LRMDA: variants seen among roughly 807,000 people sequenced by gnomAD.
LRMDA encodes leucine rich melanocyte differentiation associated.
Under a neutral mutation model 29.8 loss-of-function variants are expected in LRMDA, and 18 were observed. That is an observed-to-expected ratio of 0.60 (90% CI 0.42 to 0.90). The LOEUF (loss-of-function observed/expected upper bound fraction) is 0.90, where lower values mean the gene tolerates loss of function less well. Among genes scored for constraint, LRMDA ranks in the 40% least tolerant of loss-of-function variants. The probability of loss-of-function intolerance (pLI) is 0.00; values close to 1 mark genes in which losing one functional copy is unlikely to be tolerated. For synonymous variants in LRMDA, 125 were observed against 109.4 expected, an observed-to-expected ratio of 1.14 and a Z score of -0.89; for missense variants, 273 against 273.9, an observed-to-expected ratio of 1.00 and a Z score of 0.02.
chr10:76,543,276 GC>G (rs1843378982), intron 6 of LRMDA, among the ~76,000 whole-genome samples: 1 of 151,612 alleles, frequency 6.6e-6, no homozygotes, highest in Non-Finnish European at 1.5e-5. Flanking sequence ...GCATGAGATT[GC>G]CCCCATGATT....
chr10:75,752,411 C>G (rs1216942110), intron 2 of LRMDA, among the ~76,000 whole-genome samples: 1 of 152,098 alleles, frequency 6.6e-6, no homozygotes, highest in Non-Finnish European at 1.5e-5. Flanking sequence ...TGGGGTTTCA[C>G]CATGTTAGCC....
chr10:75,454,856 A>G (rs1844498153), intron 2 of LRMDA, among the ~76,000 whole-genome samples: 1 of 152,234 alleles, frequency 6.6e-6, no homozygotes, highest in Non-Finnish European at 1.5e-5. Flanking sequence ...GGAGCCTGGC[A>G]GTGGCTCCTG....
At chr10:76,225,209 G>A (rs986489187) in intron 5 of LRMDA, among the ~76,000 whole-genome samples, 3 of 151,892 alleles carry the variant, frequency 2.0e-5, no homozygotes, top group African/African-American at 7.3e-5. Context: ...TCAGGAGTTC[G>A]AGACCAGCCT....
chr10:75,888,871 C>A lies in LRMDA; in HGVS notation c.132-147137C>A, dbSNP rs148191635. Among the ~76,000 whole-genome samples the A allele has an allele frequency of 9.2e-5, 14 of 152,210 alleles. No homozygotes were observed. The East Asian group carries it at 2.7e-3, about 29-fold the overall frequency. On this transcript the variant is annotated intron_variant, in intron 2 of 6. Transcript: ENST00000611255. ...TGACAAGATTCTGGTAATTACTAAGCGGGTCTTAGACAAGATGCCAAAAGT... is the reference window on the plus strand; with the variant it reads ...TGACAAGATTCTGGTAATTACTAAGAGGGTCTTAGACAAGATGCCAAAAGT...
chr10:75,741,865 G>A (rs761609447), intron 2 of LRMDA, among the ~76,000 whole-genome samples: 1 of 152,092 alleles, frequency 6.6e-6, no homozygotes, highest in Admixed American at 6.5e-5. Context: ...TTAGGAGGTG[G>A]GGCCTTTGGG....
At chr10:75,836,271 A>T (rs1481786902) in intron 2 of LRMDA, among the ~76,000 whole-genome samples, 1 of 152,166 alleles carries the variant, frequency 6.6e-6, no homozygotes, top group East Asian at 1.9e-4. Flanking sequence ...CAGCCAACAC[A>T]TGTTATAGAG....
At chr10:75,512,357 A>T (rs1213067945) in intron 2 of LRMDA, among the ~76,000 whole-genome samples, 1 of 145,186 alleles carries the variant, frequency 6.9e-6, no homozygotes, top group African/African-American at 2.5e-5. Context: ...GTGAGCTGTT[A>T]TTTTTTTTTT....
chr10:76,176,345 G>A (rs778015278), intron 5 of LRMDA, among the ~76,000 whole-genome samples: 33 of 152,170 alleles, frequency 2.2e-4, no homozygotes, highest in Non-Finnish European at 2.6e-4. Flanking sequence ...ATCAAAGGGC[G>A]GTAATGAATA....
chr10:75,745,284 G>A (rs1220959038), intron 2 of LRMDA, among the ~76,000 whole-genome samples: 3 of 151,828 alleles, frequency 2.0e-5, no homozygotes, highest in Non-Finnish European at 4.4e-5. Flanking sequence ...CTCTCTCCGT[G>A]TGTGTGTATA....
Position 76,161,194 on chromosome 10 carries a change from C to G in LRMDA, c.516+102411C>G, listed in dbSNP as rs117406369. Among the ~76,000 whole-genome samples the G allele has an allele frequency of 1.0e-3, 155 of 152,208 alleles. 3 individuals are homozygous for G. In the East Asian group the frequency reaches 0.027, roughly 27 times the overall value. Reference sequence around the variant, plus strand: ...ATGAAAAGGGAAAGAGATCTTGTCTCTGACTCACGTATTTCTCTTTAAGTG... The same window carrying G: ...ATGAAAAGGGAAAGAGATCTTGTCTGTGACTCACGTATTTCTCTTTAAGTG... On this transcript the variant is annotated intron_variant, in intron 5 of 6. Transcript: ENST00000611255.
At chr10:75,926,207 G>A (rs1846117609) in intron 2 of LRMDA, among the ~76,000 whole-genome samples, 1 of 152,082 alleles carries the variant, frequency 6.6e-6, no homozygotes. Context: ...TTAGAACTGG[G>A]CATCAACTGC....
At chr10:75,508,831 A>G (rs983987338) in intron 2 of LRMDA, among the ~76,000 whole-genome samples, 4 of 152,180 alleles carry the variant, frequency 2.6e-5, no homozygotes, top group African/African-American at 9.7e-5. Flanking sequence ...TTTGGGAAAC[A>G]TTAAGAATTT....
intron 6 of LRMDA, among the ~76,000 whole-genome samples, chr10:76,345,316 C>A (rs1196159969): frequency 6.6e-6 from 1 of 150,554 alleles, no homozygotes; most frequent in Non-Finnish European, 1.5e-5. Flanking sequence ...TCGTGATCCG[C>A]CCGCCTCGGC....
intron 2 of LRMDA, among the ~76,000 whole-genome samples, chr10:75,835,180 A>C (rs538056991): frequency 2.0e-5 from 3 of 152,200 alleles, no homozygotes; most frequent in Non-Finnish European, 4.4e-5. Flanking sequence ...GGCTAAAATT[A>C]AGGTGATGGG....
At chr10:76,534,291 TAGGAG>T (rs1468327822) in intron 6 of LRMDA, among the ~76,000 whole-genome samples, 1 of 152,182 alleles carries the variant, frequency 6.6e-6, no homozygotes, top group Non-Finnish European at 1.5e-5. Flanking sequence ...CCTTTGCAGT[TAGGAG>T]AGGTCACATG....
chr10:75,727,096 G>C (rs1467769160), intron 2 of LRMDA, among the ~76,000 whole-genome samples: 1 of 152,136 alleles, frequency 6.6e-6, no homozygotes, highest in Non-Finnish European at 1.5e-5. Context: ...GCTTTAGCTG[G>C]CTTTCCTCCC....
rs528945539 is a variant in LRMDA, at chr10:75,692,208, G to GA, written c.131+253726dup. ...CAAAGCAAGACCTTGTCTCTGGGGG[G>GA]AAAAAAAAAAAATATATATATATAT... On this transcript the variant is annotated intron_variant, in intron 2 of 6. Transcript: ENST00000611255. Among the ~76,000 whole-genome samples the GA allele has an allele frequency of 3.9e-3, 239 of 61,072 alleles. 2 individuals carry two copies. Among genetic ancestry groups the GA allele is most frequent in the African/African-American group, 0.017 (213 of 12,710 alleles). 40.1% of individuals were successfully genotyped at this position (61,072 alleles called of 152,430 possible). A position where few individuals can be genotyped will look rare whatever the true frequency, so the allele number is the denominator to read the frequency against.
At chr10:76,310,567 C>G (rs1422664843) in intron 5 of LRMDA, among the ~76,000 whole-genome samples, 1 of 152,106 alleles carries the variant, frequency 6.6e-6, no homozygotes, top group African/African-American at 2.4e-5. Flanking sequence ...TTTGTTAGGT[C>G]TGAGTTTTGT....
intron 2 of LRMDA, among the ~76,000 whole-genome samples, chr10:75,670,766 G>C (rs1034836326): frequency 6.6e-6 from 1 of 152,154 alleles, no homozygotes; most frequent in Non-Finnish European, 1.5e-5. Flanking sequence ...GACAGGAATG[G>C]GTAAAGGGGC....
Sources: gnomAD v4.1 joint callset for allele counts (sites outside exome capture counted in the v4.1 genomes callset) on GRCh38, gnomAD v4.1.1 for gene constraint, MANE v1.5 for transcripts, NCBI Gene and HGNC (gene_info 2026-07-23, HGNC 2026-07-21) for gene names.